Variants in GLIS1 observed in about 807,000 individuals in gnomAD.
GLIS1 encodes zinc finger protein GLIS1.
In GLIS1, 24 loss-of-function variants were observed where a neutral mutation model predicts 63.8. That is an observed-to-expected ratio of 0.38 (90% CI 0.27 to 0.53). The LOEUF is 0.53. Ranked by LOEUF, GLIS1 falls within the 20% of genes least tolerant of loss-of-function variation. The pLI is 0.85. For missense variants in GLIS1, 1,036 were observed against 1,074.1 expected (o/e 0.96, Z 0.50); for synonymous variants, 450 against 482.5 (o/e 0.93, Z 0.88).
At chr1:53,606,992 G>A (rs1645377105) in intron 2 of GLIS1, among the ~76,000 whole-genome samples, 1 of 152,220 alleles carries the variant, frequency 6.6e-6, no homozygotes, top group Non-Finnish European at 1.5e-5. Flanking sequence ...AGCAGCCCAG[G>A]GCGGGTCACA....
Position 53,594,558 on chromosome 1 carries a change from G to A in GLIS1, c.870C>T (p.Gly290=). 1 of 1,601,346 alleles carries A rather than the reference G, an allele frequency of 6.2e-7. No individual in the cohort carries two copies. Among genetic ancestry groups the A allele is most frequent in the South Asian group, 1.1e-5 (1 of 90,738 alleles). The change falls in exon 4 of 11, where the codon GGC becomes GGT. Residue 290 remains glycine (G), a synonymous_variant. Transcript: ENST00000628545. ...GGCCAGGCCGGGCCCGCTTGGAAGG[G>A]CCCCCCAGATCTCCCGTCAGAGGGG... The part of the protein sequence containing the change: ...RSPPLTGDLG[G]PSKRARPGPA...
chr1:53,595,062 A>T, intron 3 of GLIS1, 72 bp from the exon 4 acceptor site: 1 of 1,320,786 alleles, frequency 7.6e-7, no homozygotes, highest in Non-Finnish European at 9.8e-7. Context: ...GTGGGGGCAG[A>T]CAGGGAAGCT....
In GLIS1 at chr1:53,528,111, C is replaced by T. The variant is rs556205616; in HGVS notation, c.1482+1680G>A. Among the ~76,000 whole-genome samples the T allele has an allele frequency of 2.2e-4, 33 of 152,312 alleles. 2 individuals are homozygous for T. In the South Asian group the frequency reaches 5.8e-3, roughly 27 times the overall value. On this transcript the variant is annotated intron_variant, in intron 5 of 10. Coordinates refer to ENST00000628545, the MANE Select transcript of GLIS1 (RefSeq NM_001367484.1). ...TAACTGGGGGTGCTGGGGCACAGAG[C>T]GTGCCTCTCAGGACCTGGGCCAGGG...
At chr1:53,608,829 G>A (rs1645397300) in intron 2 of GLIS1, among the ~76,000 whole-genome samples, 1 of 152,202 alleles carries the variant, frequency 6.6e-6, no homozygotes, top group African/African-American at 2.4e-5. Flanking sequence ...GAATGGCTCA[G>A]AGAGAGACAT....
chr1:53,735,093 G>A lies in GLIS1; in HGVS notation c.259+2713C>T, dbSNP rs535738290. 3.3e-5 allele frequency among the ~76,000 whole-genome samples: 5 copies of A among 152,264 alleles called. No individual in the cohort carries two copies. In the South Asian group the frequency reaches 1.0e-3, roughly 32 times the overall value. On this transcript the variant is annotated intron_variant, in intron 2 of 10. Transcript: ENST00000628545. ...TTCCTCTGCTTAGGGACTGTCTGAG[G>A]CAGGCGGCAGAGCATCTGAAACCTG...
At chr1:53,520,383 C>T (rs1486559671) in intron 7 of GLIS1, among the ~76,000 whole-genome samples, 1 of 152,210 alleles carries the variant, frequency 6.6e-6, no homozygotes, top group Non-Finnish European at 1.5e-5. Context: ...CGGGTGAGGG[C>T]TTCATGCCCT....
At position 53,594,320 on chromosome 1, in the gene GLIS1, G is replaced by A; in HGVS notation, c.1108C>T (p.Gln370Ter). Reference sequence around the variant, plus strand: ...CAGCAGTCCACCCAGCGGCACGCCTGCCGCCCGGCCACCACCCTGCCTGCC... The same window carrying A: ...CAGCAGTCCACCCAGCGGCACGCCTACCGCCCGGCCACCACCCTGCCTGCC... Reference protein sequence around the residue: ...GLAGRVVAGRQACRWVDCCAA... With the variant: ...GLAGRVVAGR The change falls in exon 4 of 11, where the codon CAG becomes TAG. Residue 370 changes from glutamine (Q) to a stop codon, truncating the protein, a stop_gained. Transcript: ENST00000628545. LOFTEE classifies it high-confidence loss of function. The A allele has an allele frequency of 1.9e-6, 3 of 1,611,748 alleles. No homozygotes were observed. Among genetic ancestry groups the A allele is most frequent in the Non-Finnish European group, 2.5e-6 (3 of 1,179,578 alleles).
chr1:53,542,250 G>A (rs573022268), intron 4 of GLIS1, among the ~76,000 whole-genome samples: 5 of 152,074 alleles, frequency 3.3e-5, no homozygotes, highest in African/African-American at 1.2e-4. Flanking sequence ...CTCAAGCGCC[G>A]GGGGGAAGGA....
intron 2 of GLIS1, among the ~76,000 whole-genome samples, chr1:53,617,741 C>G (rs1160129983): frequency 6.6e-6 from 1 of 152,194 alleles, no homozygotes; most frequent in Non-Finnish European, 1.5e-5. Context: ...TGCAGGCCGG[C>G]TATGTTATCG....
chr1:53,681,092 T>C (rs1359254260), intron 2 of GLIS1, among the ~76,000 whole-genome samples: 1 of 152,198 alleles, frequency 6.6e-6, no homozygotes, highest in Non-Finnish European at 1.5e-5. Context: ...GCCCCTCTTC[T>C]CGGCCTTGGG....
rs146402305 is a variant in GLIS1 at position 53,518,816 on chromosome 1, G to A, written c.1726+1818C>T. On this transcript the variant is annotated intron_variant, in intron 7 of 10. Transcript: ENST00000628545. ...CAGTGGCCCAAGCAGGTGCTCAAGA[G>A]ATGGTAACTGCTGGCCCTGTCCCTT... 1.8e-3 allele frequency among the ~76,000 whole-genome samples: 270 copies of A among 152,340 alleles called. 1 individual carries two copies. The highest frequency in any genetic ancestry group is 6.2e-3 in the African/African-American group (258 of 41,580).
At chr1:53,648,192 A>G (rs1285563259) in intron 2 of GLIS1, among the ~76,000 whole-genome samples, 4 of 152,104 alleles carry the variant, frequency 2.6e-5, no homozygotes, top group Admixed American at 2.0e-4. Flanking sequence ...ATAAAAATTA[A>G]AAAAAAGACT....
At chr1:53,545,146 C>A (rs571431224) in intron 4 of GLIS1, among the ~76,000 whole-genome samples, 1 of 152,198 alleles carries the variant, frequency 6.6e-6, no homozygotes, top group Non-Finnish European at 1.5e-5. Context: ...CCACCTAATA[C>A]CCTAATTTGT....
chr1:53,585,295 A>T (rs1015285553), intron 4 of GLIS1, among the ~76,000 whole-genome samples: 1 of 152,066 alleles, frequency 6.6e-6, no homozygotes, highest in Non-Finnish European at 1.5e-5. Context: ...AGTGCTACAC[A>T]TATATGATCT....
intron 2 of GLIS1, among the ~76,000 whole-genome samples, chr1:53,719,451 C>T (rs908202356): frequency 3.3e-5 from 5 of 152,224 alleles, no homozygotes; most frequent in African/African-American, 4.8e-5. Flanking sequence ...ATCCTCAAAG[C>T]GTATGCCAGT....
intron 4 of GLIS1, among the ~76,000 whole-genome samples, chr1:53,590,893 C>T (rs1239052651): frequency 6.6e-6 from 1 of 152,146 alleles, no homozygotes; most frequent in East Asian, 1.9e-4. Flanking sequence ...GAGCTGGGCT[C>T]CTCTCAGCAC....
At chr1:53,573,161 C>T (rs923742010) in intron 4 of GLIS1, among the ~76,000 whole-genome samples, 3 of 152,138 alleles carry the variant, frequency 2.0e-5, no homozygotes, top group Non-Finnish European at 2.9e-5. Context: ...AGAGCTTCAG[C>T]GAATGTTTAC....
At chr1:53,638,050 G>A (rs567557801) in intron 2 of GLIS1, among the ~76,000 whole-genome samples, 1 of 152,348 alleles carries the variant, frequency 6.6e-6, no homozygotes, top group Admixed American at 6.5e-5. Context: ...GAGAGGGAGG[G>A]AGCCAGTATC....
intron 4 of GLIS1, among the ~76,000 whole-genome samples, chr1:53,540,281 C>T (rs1310933446): frequency 7.9e-5 from 12 of 152,180 alleles, no homozygotes; most frequent in Admixed American, 3.3e-4. Flanking sequence ...TGCAGTGCCT[C>T]ACCATAAGCC....
Sources: gnomAD v4.1 joint callset for allele counts (sites outside exome capture counted in the v4.1 genomes callset) on GRCh38, gnomAD v4.1.1 for gene constraint, MANE v1.5 for transcripts, NCBI Gene and HGNC (gene_info 2026-07-23, HGNC 2026-07-21) for gene names.